DPP6: variants seen among roughly 807,000 people sequenced by gnomAD.
DPP6 encodes dipeptidyl peptidase like 6, also known as A-type potassium channel modulatory protein DPP6.
A neutral mutation model predicts 122.6 loss-of-function variants in DPP6; 69 were observed. The ratio of observed to expected loss-of-function variants is 0.56; its 90% CI spans 0.46 to 0.69. The LOEUF (loss-of-function observed/expected upper bound fraction) is 0.69. Ranked by LOEUF, DPP6 falls within the 30% of genes least tolerant of loss-of-function variation. DPP6 has a pLI of 0.00. For synonymous variants in DPP6, 418 were observed against 433.1 expected (o/e 0.97, Z 0.43); for missense variants, 928 against 1,116.9 (o/e 0.83, Z 2.41).
At chr7:154,010,257 A>C (rs1798098422) in intron 1 of DPP6, among the ~76,000 whole-genome samples, 1 of 152,232 alleles carries the variant, frequency 6.6e-6, no homozygotes, top group South Asian at 2.1e-4. Context: ...GAACACAGCA[A>C]ATCTGCCTCA....
At chr7:154,236,716 C>T (rs1801238357) in intron 1 of DPP6, among the ~76,000 whole-genome samples, 1 of 152,144 alleles carries the variant, frequency 6.6e-6, no homozygotes, top group African/African-American at 2.4e-5. Context: ...AAATCTGTAG[C>T]CATATGTGTT....
At chr7:153,922,840 G>A (rs551754653) in intron 1 of DPP6, among the ~76,000 whole-genome samples, 41 of 152,328 alleles carry the variant, frequency 2.7e-4, no homozygotes, top group Middle Eastern at 3.4e-3. Context: ...CGAGCCCCCA[G>A]CACTCTGACG....
chr7:154,069,462 GAAT>G (rs577110186), intron 1 of DPP6, among the ~76,000 whole-genome samples: 89 of 150,876 alleles, frequency 5.9e-4, no homozygotes, highest in African/African-American at 2.1e-3. Context: ...TAATTTTTGA[GAAT>G]GTTCAAATTA....
At chr7:154,150,735 G>A (rs1429778925) in intron 1 of DPP6, among the ~76,000 whole-genome samples, 2 of 152,206 alleles carry the variant, frequency 1.3e-5, no homozygotes, top group African/African-American at 2.4e-5. Flanking sequence ...GGCCCAGGCC[G>A]GGTCCTCCAT....
intron 1 of DPP6, among the ~76,000 whole-genome samples, chr7:153,963,860 A>G (rs1212262289): frequency 6.6e-6 from 1 of 152,116 alleles, no homozygotes; most frequent in East Asian, 1.9e-4. Context: ...TGCTGCTGTA[A>G]AGCATGCACA....
chr7:154,152,308 G>A (rs1315516871), intron 1 of DPP6, among the ~76,000 whole-genome samples: 1 of 152,088 alleles, frequency 6.6e-6, no homozygotes, highest in African/African-American at 2.4e-5. Flanking sequence ...CAGGGATGGG[G>A]TGCGACCAGC....
chr7:154,082,725 A>G (rs4726374), intron 1 of DPP6, among the ~76,000 whole-genome samples: 99,974 of 151,656 alleles, frequency 0.66, 33,433 homozygotes, highest in African/African-American at 0.77. Context: ...AAGTTTGCTA[A>G]TGCTGGTCCT....
intron 1 of DPP6, among the ~76,000 whole-genome samples, chr7:154,236,671 T>A (rs1585703002): frequency 6.6e-6 from 1 of 152,178 alleles, no homozygotes; most frequent in Non-Finnish European, 1.5e-5. Context: ...TTATGTGGAC[T>A]CATGGAAAGC....
intron 1 of DPP6, among the ~76,000 whole-genome samples, chr7:154,165,565 C>A (rs1405138338): frequency 6.6e-6 from 1 of 151,286 alleles, no homozygotes; most frequent in Admixed American, 6.6e-5. Flanking sequence ...AGTTCTAGAT[C>A]CCTGAGGAAT....
chr7:154,149,966 C>T (rs1156857222), intron 1 of DPP6, among the ~76,000 whole-genome samples: 2 of 152,008 alleles, frequency 1.3e-5, no homozygotes, highest in African/African-American at 4.8e-5. Context: ...CTTTTTTTCT[C>T]ATTGTTACAA....
intron 1 of DPP6, among the ~76,000 whole-genome samples, chr7:153,954,994 G>GT (rs1802393350): frequency 6.6e-6 from 1 of 152,176 alleles, no homozygotes; most frequent in Non-Finnish European, 1.5e-5. Context: ...AGTGATGGTT[G>GT]GTGGGTGTGT....
At chr7:154,399,193 T>C (rs914267316) in intron 1 of DPP6, among the ~76,000 whole-genome samples, 8 of 152,170 alleles carry the variant, frequency 5.3e-5, no homozygotes, top group Non-Finnish European at 1.0e-4. Flanking sequence ...ACCACCTTCC[T>C]TTTTTAAAGA....
At chr7:154,867,879 T>A in intron 17 of DPP6, 116 bp from the exon 18 acceptor site, 1 of 1,312,156 alleles carries the variant, frequency 7.6e-7, no homozygotes, top group Non-Finnish European at 9.9e-7. Flanking sequence ...GAAATAATAA[T>A]AATCACCTCT....
intron 3 of DPP6, 51 bp downstream of exon 3, chr7:154,475,088 C>T (rs1434887322): frequency 7.2e-7 from 1 of 1,381,416 alleles, no homozygotes; most frequent in Non-Finnish European, 1.0e-6. Flanking sequence ...TGCCTCACCC[C>T]CACTTTCAAT....
Position 154,807,118 on chromosome 7 carries a change from C to T in DPP6, c.1666+6C>T. The T allele has an allele frequency of 6.2e-7, 1 of 1,611,918 alleles. No individual in the cohort carries two copies. Among genetic ancestry groups the T allele is most frequent in the Non-Finnish European group, 8.5e-7 (1 of 1,179,584 alleles). Reference sequence around the variant, plus strand: ...CTTCCTGCTCAAGTGCGAAGGTCAGCTCCTGCCACCCCGTCAGGGCAAAGA... The same window carrying T: ...CTTCCTGCTCAAGTGCGAAGGTCAGTTCCTGCCACCCCGTCAGGGCAAAGA... On this transcript the variant is annotated splice_donor_region_variant and intron_variant, in intron 16 of 25. Transcript: ENST00000377770.
At chr7:154,449,439 A>C (rs1301750098) in intron 2 of DPP6, among the ~76,000 whole-genome samples, 1 of 152,294 alleles carries the variant, frequency 6.6e-6, no homozygotes, top group African/African-American at 2.4e-5. Context: ...GAAAATAGTA[A>C]GTATTCCCAG....
intron 1 of DPP6, among the ~76,000 whole-genome samples, chr7:153,950,507 G>A (rs1463342020): frequency 6.6e-6 from 1 of 152,270 alleles, no homozygotes; most frequent in Non-Finnish European, 1.5e-5. Context: ...AAATATGTTT[G>A]CAGGTGGAGA....
intron 1 of DPP6, among the ~76,000 whole-genome samples, chr7:154,285,649 G>A (rs560264122): frequency 2.0e-5 from 3 of 152,322 alleles, no homozygotes; most frequent in African/African-American, 7.2e-5. Flanking sequence ...TTAAAAATAT[G>A]AGAGCAGGCC....
intron 6 of DPP6, among the ~76,000 whole-genome samples, chr7:154,646,453 G>T (rs1307405794): frequency 6.6e-6 from 1 of 151,998 alleles, no homozygotes; most frequent in Non-Finnish European, 1.5e-5. Context: ...GAAATGTCCT[G>T]GTCATTGTGC....
Sources: allele counts gnomAD v4.1 joint callset (sites outside exome capture counted in the v4.1 genomes callset), GRCh38; gene constraint gnomAD v4.1.1; transcripts MANE v1.5; gene names NCBI Gene and HGNC (gene_info 2026-07-23, HGNC 2026-07-21).